Variants in TAF8 observed in about 807,000 individuals in gnomAD.
TAF8 encodes TATA-box binding protein associated factor 8.
A neutral mutation model predicts 36.5 loss-of-function variants in TAF8; 47 were observed. The observed-to-expected ratio is 1.29, with a 90% CI of 1.02 to 1.64. TAF8 has a LOEUF of 1.64. Ranked by LOEUF, TAF8 falls within the 40% of genes most tolerant of loss-of-function variation. The pLI, the probability that TAF8 is intolerant of heterozygous loss-of-function variation, is 0.00. For missense variants in TAF8, 420 were observed against 407.6 expected, an observed-to-expected ratio of 1.03 and a Z score of -0.26; for synonymous variants, 175 against 159.5, an observed-to-expected ratio of 1.10 and a Z score of -0.73.
intron 5 of TAF8, 57 bp from the exon 6 acceptor site, chr6:42,066,255 A>T: frequency 1.9e-6 from 3 of 1,601,260 alleles, no homozygotes; most frequent in Non-Finnish European, 2.6e-6. Flanking sequence ...CAGGGAGCTG[A>T]TGAAAGCAGA....
chr6:42,084,864 A>G (rs1296419971), downstream of TAF8, among the ~76,000 whole-genome samples: 1 of 152,250 alleles, frequency 6.6e-6, no homozygotes, highest in Non-Finnish European at 1.5e-5. Flanking sequence ...ACTACATGGC[A>G]TGACCCTGCC....
chr6:42,050,709 G>A (rs2127446381), intron 1 of TAF8, 123 bp downstream of exon 1: 2 of 1,244,102 alleles, frequency 1.6e-6, no homozygotes, highest in East Asian at 2.8e-5. Flanking sequence ...ACTGGCGGAG[G>A]GTGTTTTCAG....
chr6:42,052,956 C>A (rs576213280), intron 2 of TAF8, among the ~76,000 whole-genome samples: 1 of 152,270 alleles, frequency 6.6e-6, no homozygotes, highest in East Asian at 1.9e-4. Context: ...GTGGGCTACC[C>A]CAGGAAGGGT....
intron 4 of TAF8, 116 bp from the exon 5 acceptor site, chr6:42,057,273 G>GT: frequency 6.9e-7 from 1 of 1,440,300 alleles, no homozygotes; most frequent in Admixed American, 1.9e-5. Context: ...AATGCAACTT[G>GT]TTTAGAAAAT....
At chr6:42,085,548 C>T (rs1766013493), downstream of TAF8, among the ~76,000 whole-genome samples, 1 of 152,132 alleles carries the variant, frequency 6.6e-6, no homozygotes, top group South Asian at 2.1e-4. Flanking sequence ...CTAGGCCAGG[C>T]GCGGTGGCTT....
intron 7 of TAF8, among the ~76,000 whole-genome samples, chr6:42,076,585 G>T (rs183094621): frequency 2.0e-5 from 3 of 152,220 alleles, no homozygotes; most frequent in Non-Finnish European, 4.4e-5. Flanking sequence ...CCTGTGCTGG[G>T]ATGTGATTGT....
chr6:42,074,504 T>G (rs1765682770), intron 7 of TAF8, among the ~76,000 whole-genome samples: 1 of 152,280 alleles, frequency 6.6e-6, no homozygotes, highest in South Asian at 2.1e-4. Context: ...CTCCCACTTT[T>G]TTTTACAAAT....
chr6:42,056,254 G>A, intron 4 of TAF8: 1 of 410,786 alleles, frequency 2.4e-6, no homozygotes, highest in Non-Finnish European at 4.4e-6. Context: ...TCTAGCCCCA[G>A]AAGGGCAAAT....
At chr6:42,053,565 CAAAAAAAAAAAAAG>C (rs1191839243) in intron 2 of TAF8, among the ~76,000 whole-genome samples, 2,387 of 122,254 alleles carry the variant, frequency 0.02, 63 homozygotes, top group African/African-American at 0.071. Context: ...AACTCCGTCT[CAAAAAAAAAAAAAG>C]AAAAAAAAAG....
In TAF8 at chr6:42,080,193, T is replaced by C. The variant is rs933113238; in HGVS notation, c.*2648T>C. 3 of 985,456 alleles carry C rather than the reference T, an allele frequency of 3.0e-6. No individual in the cohort carries two copies. In the African/African-American group the frequency reaches 5.2e-5, roughly 17 times the overall value. 61.0% of individuals were successfully genotyped at this position (985,456 alleles called of 1,614,324 possible). Reference sequence around the variant, plus strand: ...CATTCAAGCCGTGGCCAATCCCAGCTGTTCTCACTGCTCTTGGGAGGTGTT... The same window carrying C: ...CATTCAAGCCGTGGCCAATCCCAGCCGTTCTCACTGCTCTTGGGAGGTGTT... On this transcript the variant is annotated 3_prime_UTR_variant, in exon 9 of 9. Coordinates refer to ENST00000372977, the MANE Select transcript of TAF8 (RefSeq NM_138572.3).
At chr6:42,072,823 T>C (rs1004898746) in intron 7 of TAF8, among the ~76,000 whole-genome samples, 22 of 151,940 alleles carry the variant, frequency 1.4e-4, no homozygotes, top group Admixed American at 7.2e-4. Context: ...CCCGGGTTCA[T>C]GCCATTCTCC....
chr6:42,076,959 C>T (rs886559163), intron 7 of TAF8, 141 bp from the exon 8 acceptor site: 4 of 1,073,844 alleles, frequency 3.7e-6, no homozygotes, highest in African/African-American at 3.2e-5. Context: ...TTCATCGGGG[C>T]AGAGATAGGA....
intron 5 of TAF8, among the ~76,000 whole-genome samples, chr6:42,065,603 G>A (rs1193857245): frequency 2.0e-5 from 3 of 152,056 alleles, no homozygotes; most frequent in African/African-American, 7.2e-5. Context: ...GTCCACATAG[G>A]CAGCCACTCC....
In TAF8 at chr6:42,055,512, G is replaced by A. The variant is rs776349675; in HGVS notation, c.203-19G>A. ...CTGAGGAACTGAGAATAAGTTTTAT[G>A]CCTTTAATCCCCTCTTAGACATTTC... is the stretch of plus-strand genomic sequence containing the variant. On this transcript the variant is annotated intron_variant, in intron 2 of 8. Transcript: ENST00000372977. The A allele has an allele frequency of 6.4e-6, 10 of 1,551,188 alleles. No homozygotes were observed. The African/African-American group carries it at 9.5e-5, about 15-fold the overall frequency.
intron 7 of TAF8, among the ~76,000 whole-genome samples, chr6:42,074,510 C>G (rs992779333): frequency 1.4e-4 from 22 of 152,048 alleles, no homozygotes; most frequent in African/African-American, 4.3e-4. Flanking sequence ...CTTTTTTTTA[C>G]AAATCTCTGG....
At chr6:42,052,068 C>T (rs1764811961) in intron 2 of TAF8, among the ~76,000 whole-genome samples, 1 of 152,214 alleles carries the variant, frequency 6.6e-6, no homozygotes, top group Non-Finnish European at 1.5e-5. Flanking sequence ...GGGCAAGCCA[C>T]TGAATCTCCT....
At chr6:42,065,064 G>T (rs76558857) in intron 5 of TAF8, among the ~76,000 whole-genome samples, 1 of 151,312 alleles carries the variant, frequency 6.6e-6, no homozygotes, top group Non-Finnish European at 1.5e-5. Flanking sequence ...AATGTTTTCC[G>T]GCTGGGCGCG....
chr6:42,084,014 T>C (rs953143234), downstream of TAF8, among the ~76,000 whole-genome samples: 1 of 151,770 alleles, frequency 6.6e-6, no homozygotes, highest in Non-Finnish European at 1.5e-5. Context: ...ACCCCGTCTC[T>C]ACTAAAAATA....
At chr6:42,062,529 C>CTTTTTTTT (rs1174119617) in intron 5 of TAF8, among the ~76,000 whole-genome samples, 12 of 78,726 alleles carry the variant, frequency 1.5e-4, no homozygotes, top group East Asian at 4.4e-4. Flanking sequence ...TTAAGACAAT[C>CTTTTTTTT]TTTTTTTTTT....
Sources: allele counts gnomAD v4.1 joint callset (sites outside exome capture counted in the v4.1 genomes callset), GRCh38; gene constraint gnomAD v4.1.1; transcripts MANE v1.5; gene names NCBI Gene and HGNC (gene_info 2026-07-23, HGNC 2026-07-21).